PLEKHG4B: variants seen among roughly 807,000 people sequenced by gnomAD.
The protein encoded by PLEKHG4B is pleckstrin homology and RhoGEF domain containing G4B.
In PLEKHG4B, 111 loss-of-function variants were observed where a neutral mutation model predicts 121.3. That is an observed-to-expected ratio of 0.92 (90% CI 0.78 to 1.07). The LOEUF (loss-of-function observed/expected upper bound fraction) is 1.07, where lower values mean the gene tolerates loss of function less well. PLEKHG4B is among the 50% of genes least tolerant of loss of function. The pLI is 0.00. For synonymous variants in PLEKHG4B, 738 were observed against 725.0 expected (o/e 1.02, Z -0.29); for missense variants, 1,831 against 1,757.8 (o/e 1.04, Z -0.74).
chr5:102,006 G>A (rs1733832043), intron 1 of PLEKHG4B, among the ~76,000 whole-genome samples: 1 of 87,250 alleles, frequency 1.1e-5, no homozygotes, highest in Non-Finnish European at 2.1e-5. Flanking sequence ...AGAGACTGTT[G>A]TGAGGTTAAT....
rs775306585 is a variant in PLEKHG4B, at chr5:143,378, A to T, written c.1688-2A>T. On this transcript the variant is annotated splice_acceptor_variant, in intron 4 of 19. Coordinates refer to ENST00000637938, the MANE Select transcript of PLEKHG4B (RefSeq NM_052909.5). LOFTEE classifies it high-confidence loss of function. ...GCAGCTGCCCTGTCTCTGTCTCCGC[A>T]GGGACCCGAGACCGTCATGGCAGAG... is the stretch of plus-strand genomic sequence containing the variant. The T allele has an allele frequency of 8.7e-6, 14 of 1,612,124 alleles. No homozygotes were observed. In the South Asian group the frequency reaches 1.5e-4, roughly 18 times the overall value.
chr5:136,672 C>T (rs929606713), intron 2 of PLEKHG4B, among the ~76,000 whole-genome samples: 1 of 152,092 alleles, frequency 6.6e-6, no homozygotes, highest in African/African-American at 2.4e-5. Context: ...AGGAAAACAC[C>T]ATTAATAGGA....
intron 18 of PLEKHG4B, chr5:179,725 CT>C (rs1268420633): frequency 6.6e-6 from 1 of 152,632 alleles, no homozygotes; most frequent in African/African-American, 2.4e-5. Flanking sequence ...GCTCCACTCT[CT>C]GCACTCCACC....
At chr5:134,025 G>GGAATATATATAGATA (rs1734857295) in intron 2 of PLEKHG4B, among the ~76,000 whole-genome samples, 1 of 113,814 alleles carries the variant, frequency 8.8e-6, no homozygotes, top group Non-Finnish European at 1.8e-5. Flanking sequence ...CATATATGAT[G>GGAATATATATAGATA]GAATATATAT....
chr5:120,627 G>C (rs898092465), intron 2 of PLEKHG4B, among the ~76,000 whole-genome samples: 2 of 152,088 alleles, frequency 1.3e-5, no homozygotes, highest in Admixed American at 6.6e-5. Context: ...CCCCAAATTG[G>C]CTCTGTTTCC....
chr5:93,018 C>T (rs1317755603), intron 1 of PLEKHG4B, among the ~76,000 whole-genome samples: 8 of 152,078 alleles, frequency 5.3e-5, no homozygotes, highest in Admixed American at 4.6e-4. Flanking sequence ...TTCCCTGTTT[C>T]GTGTGAAACT....
Position 161,925 on chromosome 5 carries a change from CGTCCGA to C in PLEKHG4B, c.2633_2638del (p.Ser878_Glu879del). The C allele has an allele frequency of 6.2e-7, 1 of 1,612,218 alleles. No individual in the cohort carries two copies. Among genetic ancestry groups the C allele is most frequent in the Non-Finnish European group, 8.5e-7 (1 of 1,179,604 alleles). ...GGAGAGCTGGCCAGGTGGACCCGCT[CGTCCGA>C]GTTGTGCGAGACGGTAAGAGACCCA... On this transcript the variant is annotated inframe_deletion, in exon 12 of 20. Coordinates refer to ENST00000637938, the MANE Select transcript of PLEKHG4B (RefSeq NM_052909.5).
chr5:118,341 A>G (rs1734364022), intron 2 of PLEKHG4B, among the ~76,000 whole-genome samples: 1 of 152,330 alleles, frequency 6.6e-6, no homozygotes, highest in South Asian at 2.1e-4. Context: ...TGCTTGGGAT[A>G]TACATTAAAC....
In PLEKHG4B at chr5:182,334, G is replaced by A; in HGVS notation, c.*11G>A. 1 of 1,580,510 alleles carries A rather than the reference G, an allele frequency of 6.3e-7. No homozygotes were observed. Among genetic ancestry groups the A allele is most frequent in the South Asian group, 1.1e-5 (1 of 88,102 alleles). On this transcript the variant is annotated 3_prime_UTR_variant, in exon 20 of 20. Coordinates refer to ENST00000637938, the MANE Select transcript of PLEKHG4B (RefSeq NM_052909.5). ...ACACGCCAGGCCTGATGACTGTCAG[G>A]GTGGCAGTGCCCATCATGTGGCTAG...
intron 11 of PLEKHG4B, among the ~76,000 whole-genome samples, chr5:158,710 CCTT>C (rs1234649192): frequency 4.1e-5 from 6 of 148,032 alleles, no homozygotes; most frequent in African/African-American, 1.3e-4. Flanking sequence ...TGGGGGGTCT[CCTT>C]CGTCTTCCCT....
chr5:164,597 G>A (rs1018355876), intron 13 of PLEKHG4B, among the ~76,000 whole-genome samples: 1 of 39,882 alleles, frequency 2.5e-5, no homozygotes, highest in South Asian at 1.1e-3. Context: ...ATGCTGTGAC[G>A]GAGCGGAGCT....
At chr5:134,090 T>TAC (rs1280978615) in intron 2 of PLEKHG4B, among the ~76,000 whole-genome samples, 1 of 106,738 alleles carries the variant, frequency 9.4e-6, no homozygotes, top group Non-Finnish European at 1.8e-5. Flanking sequence ...TATATATATA[T>TAC]ATATATATAT....
chr5:181,398 G>C, intron 18 of PLEKHG4B, 116 bp from the exon 19 acceptor site: 1 of 1,123,486 alleles, frequency 8.9e-7, no homozygotes, highest in Non-Finnish European at 1.3e-6. Context: ...GGCAGGGTGG[G>C]TATACCCTGT....
chr5:154,621 C>CTTTTTTT (rs35893349), intron 7 of PLEKHG4B, among the ~76,000 whole-genome samples: 1 of 131,884 alleles, frequency 7.6e-6, no homozygotes, highest in Admixed American at 7.7e-5. Context: ...TCCTTCCTCC[C>CTTTTTTT]TTTTTTTTTT....
In PLEKHG4B at chr5:121,630, G is replaced by A. The variant is rs539748539; in HGVS notation, c.243+8182G>A. ...GACAGAGGAAGGAGGCAAACTGCAT[G>A]CATCAGGGAACAGTAAGAATGACCG... On this transcript the variant is annotated intron_variant, in intron 2 of 19. Coordinates refer to ENST00000637938, the MANE Select transcript of PLEKHG4B (RefSeq NM_052909.5). 3.3e-5 allele frequency among the ~76,000 whole-genome samples: 5 copies of A among 152,274 alleles called. No individual in the cohort carries two copies. In the South Asian group the frequency reaches 8.3e-4, roughly 25 times the overall value.
intron 18 of PLEKHG4B, among the ~76,000 whole-genome samples, chr5:177,948 G>A (rs572288747): frequency 1.3e-5 from 2 of 151,638 alleles, no homozygotes; most frequent in Admixed American, 1.3e-4. Context: ...ATCCCCATCT[G>A]AGGCTTCCCT....
Position 136,019 on chromosome 5 carries a change from G to A in PLEKHG4B, c.244-3464G>A, listed in dbSNP as rs1027368607. Among the ~76,000 whole-genome samples the A allele has an allele frequency of 7.2e-5, 11 of 151,868 alleles. No individual in the cohort carries two copies. In the East Asian group the frequency reaches 1.4e-3, roughly 19 times the overall value. On this transcript the variant is annotated intron_variant, in intron 2 of 19. Transcript: ENST00000637938. ...AGAGAGCCCAGTAATGAACCCTCAC[G>A]TATATGGCTAAGTGATGTTCTACAG...
intron 13 of PLEKHG4B, among the ~76,000 whole-genome samples, chr5:164,463 ATGT>A (rs994463749): frequency 1.6e-5 from 2 of 122,706 alleles, no homozygotes; most frequent in Admixed American, 7.6e-5. Flanking sequence ...GCTCACAGTA[ATGT>A]TGTGACGGAG....
chr5:106,865 A>C (rs552917431), intron 1 of PLEKHG4B, among the ~76,000 whole-genome samples: 226 of 150,594 alleles, frequency 1.5e-3, no homozygotes, highest in Non-Finnish European at 2.6e-3. Context: ...GTGTGTGGTG[A>C]GAGATGAGGT....
Sources: allele counts gnomAD v4.1 joint callset (sites outside exome capture counted in the v4.1 genomes callset), GRCh38; gene constraint gnomAD v4.1.1; transcripts MANE v1.5; gene names NCBI Gene and HGNC (gene_info 2026-07-23, HGNC 2026-07-21).